Variants in PTPRT observed in about 807,000 individuals in gnomAD.
PTPRT encodes the protein protein tyrosine phosphatase receptor type T, also known as receptor-type tyrosine-protein phosphatase T.
Under a neutral mutation model 176.8 loss-of-function variants are expected in PTPRT, and 56 were observed. That is an observed-to-expected ratio of 0.32 (90% CI 0.26 to 0.40). PTPRT has a LOEUF of 0.40. Among genes scored for constraint, PTPRT ranks in the 10% least tolerant of loss-of-function variants. The probability of loss-of-function intolerance (pLI) is 1.00; values close to 1 mark genes in which losing one functional copy is unlikely to be tolerated. For missense variants in PTPRT, 1,540 were observed against 1,908.2 expected (o/e 0.81, Z 3.60); for synonymous variants, 783 against 739.0 (o/e 1.06, Z -0.96).
At chr20:43,107,101 CT>C (rs1350073701) in intron 1 of PTPRT, among the ~76,000 whole-genome samples, 1 of 152,130 alleles carries the variant, frequency 6.6e-6, no homozygotes, top group Non-Finnish European at 1.5e-5. Context: ...GTATTTTTAA[CT>C]TCTTAAACAT....
At chr20:42,126,975 C>G (rs1987889006) in intron 19 of PTPRT, among the ~76,000 whole-genome samples, 2 of 152,186 alleles carry the variant, frequency 1.3e-5, no homozygotes, top group African/African-American at 4.8e-5. Flanking sequence ...AGTTCTTGGC[C>G]ATGTAGTAGG....
chr20:43,157,169 T>C (rs1363969197), intron 1 of PTPRT, among the ~76,000 whole-genome samples: 1 of 147,624 alleles, frequency 6.8e-6, no homozygotes, highest in Non-Finnish European at 1.5e-5. Flanking sequence ...CTGGGCAACA[T>C]GGCAAAACAC....
At chr20:42,977,404 T>G (rs1364735116) in intron 1 of PTPRT, among the ~76,000 whole-genome samples, 1 of 152,248 alleles carries the variant, frequency 6.6e-6, no homozygotes, top group Non-Finnish European at 1.5e-5. Flanking sequence ...TTTACCCTTA[T>G]GTTTTGGTTT....
At chr20:42,069,548 C>A (rs1982231721), downstream of PTPRT, among the ~76,000 whole-genome samples, 1 of 152,070 alleles carries the variant, frequency 6.6e-6, no homozygotes, top group Non-Finnish European at 1.5e-5. Flanking sequence ...TTCTTCTCAC[C>A]TCTTCTTTTT....
At chr20:42,258,136 A>G (rs1346875071) in intron 13 of PTPRT, among the ~76,000 whole-genome samples, 1 of 152,172 alleles carries the variant, frequency 6.6e-6, no homozygotes, top group Non-Finnish European at 1.5e-5. Context: ...TCTTCCATTG[A>G]CCAGCCAGAT....
At chr20:42,100,935 T>C (rs569156727) in intron 26 of PTPRT, among the ~76,000 whole-genome samples, 1 of 152,286 alleles carries the variant, frequency 6.6e-6, no homozygotes, top group Non-Finnish European at 1.5e-5. Context: ...AGAGCTGGGA[T>C]AGGCATTGAC....
At chr20:42,298,364 A>G (rs139810547) in intron 12 of PTPRT, among the ~76,000 whole-genome samples, 1 of 152,346 alleles carries the variant, frequency 6.6e-6, no homozygotes, top group African/African-American at 2.4e-5. Context: ...CAAGGCAGTG[A>G]GGAAACAGTC....
At chr20:42,204,828 AGAG>A (rs2055412513) in intron 15 of PTPRT, among the ~76,000 whole-genome samples, 1 of 152,052 alleles carries the variant, frequency 6.6e-6, no homozygotes, top group Non-Finnish European at 1.5e-5. Context: ...TCATGCTACG[AGAG>A]GAGGAGTGCG....
intron 7 of PTPRT, among the ~76,000 whole-genome samples, chr20:42,530,880 G>T (rs1411703731): frequency 6.6e-6 from 1 of 152,192 alleles, no homozygotes; most frequent in African/African-American, 2.4e-5. Context: ...GGATGTCAGT[G>T]GTTTCCGGAG....
At chr20:42,581,996 G>A (rs1232714891) in intron 7 of PTPRT, among the ~76,000 whole-genome samples, 2 of 152,204 alleles carry the variant, frequency 1.3e-5, no homozygotes, top group African/African-American at 2.4e-5. Context: ...AACAAAAAAG[G>A]GGCTGGAATG....
At chr20:42,956,937 C>T (rs1381617012) in intron 1 of PTPRT, among the ~76,000 whole-genome samples, 6 of 152,108 alleles carry the variant, frequency 3.9e-5, no homozygotes, top group Non-Finnish European at 4.4e-5. Flanking sequence ...TTCAACTCAC[C>T]AACCACCCCA....
At chr20:42,427,531 G>A (rs1490047621) in intron 9 of PTPRT, among the ~76,000 whole-genome samples, 1 of 152,048 alleles carries the variant, frequency 6.6e-6, no homozygotes, top group Non-Finnish European at 1.5e-5. Flanking sequence ...GTGTCTTAAC[G>A]TGGCAGAAGG....
chr20:42,775,806 A>G (rs1292507963), intron 4 of PTPRT, among the ~76,000 whole-genome samples: 1 of 152,238 alleles, frequency 6.6e-6, no homozygotes, highest in African/African-American at 2.4e-5. Context: ...ATGTTAATAG[A>G]AAATATGTTT....
chr20:42,583,723 T>C (rs1294312643), intron 7 of PTPRT, among the ~76,000 whole-genome samples: 2 of 152,238 alleles, frequency 1.3e-5, no homozygotes, highest in Non-Finnish European at 2.9e-5. Flanking sequence ...TATTCTATTA[T>C]GTAAATGTAA....
chr20:43,120,935 G>A (rs1055292705), intron 1 of PTPRT, among the ~76,000 whole-genome samples: 7 of 152,086 alleles, frequency 4.6e-5, no homozygotes, highest in African/African-American at 1.7e-4. Context: ...AACACACTTC[G>A]ATAACTGCCA....
intron 1 of PTPRT, among the ~76,000 whole-genome samples, chr20:43,151,321 A>C (rs376051297): frequency 1.3e-5 from 2 of 148,812 alleles, no homozygotes; most frequent in African/African-American, 2.5e-5. Flanking sequence ...CTCAAACAAA[A>C]AAAAAAAAAA....
chr20:42,284,871 T>C (rs1039272664), intron 12 of PTPRT, among the ~76,000 whole-genome samples: 8 of 151,428 alleles, frequency 5.3e-5, no homozygotes, highest in Non-Finnish European at 1.2e-4. Context: ...GGTTCAAGTA[T>C]ATGAATCATT....
intron 5 of PTPRT, among the ~76,000 whole-genome samples, chr20:42,759,370 A>G (rs1054469394): frequency 5.3e-5 from 8 of 152,344 alleles, no homozygotes; most frequent in Non-Finnish European, 1.0e-4. Context: ...GCTGTCATAT[A>G]TAAGAGGAAA....
intron 21 of PTPRT, among the ~76,000 whole-genome samples, chr20:42,115,660 T>G (rs898342709): frequency 6.6e-6 from 1 of 152,260 alleles, no homozygotes; most frequent in Admixed American, 6.5e-5. Flanking sequence ...AAAATAATAC[T>G]GAAGTTCAGA....
Sources: gnomAD v4.1 joint callset for allele counts (sites outside exome capture counted in the v4.1 genomes callset) on GRCh38, gnomAD v4.1.1 for gene constraint, MANE v1.5 for transcripts, NCBI Gene and HGNC (gene_info 2026-07-23, HGNC 2026-07-21) for gene names.